The following DHRS9 variants were observed in gnomAD, a reference collection of about 807,000 sequenced individuals.
DHRS9 encodes the protein dehydrogenase/reductase SDR family member 9.
In DHRS9, 18 loss-of-function variants were observed where a neutral mutation model predicts 26.6. That is an observed-to-expected ratio of 0.68 (90% CI 0.47 to 1.00). DHRS9 has a LOEUF of 1.00. Among genes scored for constraint, DHRS9 ranks in the 50% least tolerant of loss-of-function variants. The pLI is 0.00. For missense variants in DHRS9, 425 were observed against 378.7 expected, an observed-to-expected ratio of 1.12 and a Z score of -1.01; for synonymous variants, 134 against 141.1, an observed-to-expected ratio of 0.95 and a Z score of 0.36.
In DHRS9 at chr2:169,091,812, G is replaced by A; in HGVS notation, c.595G>A (p.Val199Met). 3 of 1,613,322 alleles carry A rather than the reference G, an allele frequency of 1.9e-6. No homozygotes were observed. Among genetic ancestry groups the A allele is most frequent in the Non-Finnish European group, 2.5e-6 (3 of 1,179,476 alleles). Reference sequence around the variant, plus strand: ...CAGACGGGACATGAAAGCTTTTGGTGTGCACGTCTCATGCATTGAACCAGG... The same window carrying A: ...CAGACGGGACATGAAAGCTTTTGGTATGCACGTCTCATGCATTGAACCAGG... ...SLRRDMKAFG[V>M]HVSCIEPGLF... The change falls in exon 4 of 5, where the codon GTG becomes ATG. Residue 199 changes from valine (V) to methionine (M), a missense_variant. By Grantham distance (21) the Val-to-Met change is conservative. Transcript: ENST00000674881.
rs1366004893 is a variant in DHRS9, at chr2:169,081,603, C to T, written c.22C>T (p.Leu8Phe). 1.9e-6 allele frequency: 3 copies of T among 1,614,080 alleles called. No homozygotes were observed. The East Asian group carries it at 6.7e-5, about 36-fold the overall frequency. Residue 8 changes from leucine to phenylalanine, a missense_variant, in exon 2 of 5, where the codon CTC (leucine) becomes TTC (phenylalanine). Leu to Phe is a conservative substitution (Grantham distance 22). Coordinates refer to ENST00000674881, the MANE Select transcript of DHRS9 (RefSeq NM_001376924.1). MLFWVLG[L>F]LILCGFLWTR... Reference sequence around the variant, plus strand: ...AAAAATGCTCTTTTGGGTGCTAGGCCTCCTAATCCTCTGTGGTTTTCTGTG... The same window carrying T: ...AAAAATGCTCTTTTGGGTGCTAGGCTTCCTAATCCTCTGTGGTTTTCTGTG...
intron 3 of DHRS9, among the ~76,000 whole-genome samples, chr2:169,089,814 TG>T (rs1204419127): frequency 6.6e-6 from 1 of 152,174 alleles, no homozygotes; most frequent in Non-Finnish European, 1.5e-5. Context: ...TTTGATTAAG[TG>T]GATCTGGAGA....
chr2:169,073,813 C>G (rs1380797520), intron 1 of DHRS9, among the ~76,000 whole-genome samples: 1 of 152,098 alleles, frequency 6.6e-6, no homozygotes, highest in East Asian at 1.9e-4. Context: ...ACCAAGGAAC[C>G]AATGACTAAG....
In DHRS9 at chr2:169,095,617, C is replaced by T. The variant is rs535171120; in HGVS notation, c.810C>T (p.His270=). 50 of 1,613,912 alleles carry T rather than the reference C, an allele frequency of 3.1e-5. 2 individuals are homozygous for T. The highest frequency in any genetic ancestry group is 3.1e-4 in the South Asian group (28 of 91,080). The change falls in exon 5 of 5, where the codon CAC becomes CAT. Residue 270 remains histidine, a synonymous_variant. Transcript: ENST00000674881. ...CTCCGGTGGTAGAGTGCATGGACCA[C>T]GCTCTAACAAGTCTCTTCCCTAAGA... ...DLSPVVECMD[H]ALTSLFPKTH... is the part of the protein sequence containing the mutation.
intron 1 of DHRS9, among the ~76,000 whole-genome samples, chr2:169,079,563 T>C (rs1239675272): frequency 6.6e-6 from 1 of 151,852 alleles, no homozygotes; most frequent in East Asian, 1.9e-4. Flanking sequence ...TGTAAGAAAA[T>C]AAAGTCCAGG....
intron 2 of DHRS9, 107 bp downstream of exon 2, chr2:169,082,001 T>C: frequency 8.7e-7 from 1 of 1,144,730 alleles, no homozygotes; most frequent in Non-Finnish European, 1.2e-6. Flanking sequence ...GAGAAAATGT[T>C]TCCTAAATAC....
Position 169,091,115 on chromosome 2 carries a change from A to G in DHRS9, c.573-675A>G, listed in dbSNP as rs1684507782. 2.0e-5 allele frequency among the ~76,000 whole-genome samples: 3 copies of G among 152,086 alleles called. No individual in the cohort carries two copies. In the South Asian group the frequency reaches 6.2e-4, roughly 32 times the overall value. Reference sequence around the variant, plus strand: ...AATGAGTTTATCAGGATGTGACCCCACAGGAACATCTGTATATTGGTTTGC... The same window carrying G: ...AATGAGTTTATCAGGATGTGACCCCGCAGGAACATCTGTATATTGGTTTGC... On this transcript the variant is annotated intron_variant, in intron 3 of 4. Transcript: ENST00000674881.
intron 4 of DHRS9, among the ~76,000 whole-genome samples, chr2:169,095,334 C>T (rs1168022621): frequency 6.6e-6 from 1 of 152,098 alleles, no homozygotes; most frequent in African/African-American, 2.4e-5. Context: ...GAAGAATCTG[C>T]TGCCAACCCA....
chr2:169,070,056 G>A (rs56069956), intron 1 of DHRS9: 175,066 of 967,418 alleles, frequency 0.18, 16,158 homozygotes, highest in African/African-American at 0.27. Flanking sequence ...GAAACTGGAG[G>A]GGGAAGTCTC....
At chr2:169,085,186 T>C (rs1034314630) in intron 3 of DHRS9, among the ~76,000 whole-genome samples, 1 of 152,192 alleles carries the variant, frequency 6.6e-6, no homozygotes, top group African/African-American at 2.4e-5. Flanking sequence ...CCTGTTCCAT[T>C]GGTCTATGTG....
rs140016691 is a variant in DHRS9 at position 169,095,628 on chromosome 2, G to A, written c.821G>A (p.Ser274Asn). The A allele has an allele frequency of 1.8e-4, 285 of 1,613,740 alleles. No individual in the cohort carries two copies. Among genetic ancestry groups the A allele is most frequent in the Non-Finnish European group, 2.3e-4 (274 of 1,179,894 alleles). ...VVECMDHALT[S>N]LFPKTHYAAG... is the part of the protein sequence containing the mutation. ...GAGTGCATGGACCACGCTCTAACAAGTCTCTTCCCTAAGACTCATTATGCC... is the reference window on the plus strand; with the variant it reads ...GAGTGCATGGACCACGCTCTAACAAATCTCTTCCCTAAGACTCATTATGCC... Residue 274 changes from serine (S) to asparagine (N), a missense_variant, in exon 5 of 5, where the codon AGT (serine) becomes AAT (asparagine). Ser to Asn is a conservative substitution (Grantham distance 46). Coordinates refer to ENST00000674881, the MANE Select transcript of DHRS9 (RefSeq NM_001376924.1).
intron 1 of DHRS9, among the ~76,000 whole-genome samples, chr2:169,077,692 C>T (rs1379466369): frequency 6.6e-6 from 1 of 152,100 alleles, no homozygotes; most frequent in Non-Finnish European, 1.5e-5. Flanking sequence ...GTTCTAATGG[C>T]ACCCTTTTGT....
chr2:169,077,020 GT>G (rs545187311), intron 1 of DHRS9, among the ~76,000 whole-genome samples: 129 of 152,282 alleles, frequency 8.5e-4, no homozygotes, highest in African/African-American at 3.1e-3. Flanking sequence ...TGGTCTTATT[GT>G]TTCAGGGGTG....
chr2:169,074,643 C>G (rs1223733205), intron 1 of DHRS9, among the ~76,000 whole-genome samples: 1 of 152,104 alleles, frequency 6.6e-6, no homozygotes. Flanking sequence ...GTCATGTTCC[C>G]ATGGCTCTGA....
intron 2 of DHRS9, among the ~76,000 whole-genome samples, chr2:169,082,411 A>G (rs1684218937): frequency 6.6e-6 from 1 of 152,236 alleles, no homozygotes; most frequent in South Asian, 2.1e-4. Flanking sequence ...TCCATTCTGC[A>G]ATAGATTCTG....
chr2:169,083,183 T>G, intron 2 of DHRS9, 146 bp from the exon 3 acceptor site: 1 of 1,019,766 alleles, frequency 9.8e-7, no homozygotes. Context: ...CTGCTATCAC[T>G]TCCCAAAACT....
At chr2:169,082,025 C>T in intron 2 of DHRS9, 131 bp downstream of exon 2, 2 of 947,592 alleles carry the variant, frequency 2.1e-6, no homozygotes, top group Non-Finnish European at 3.1e-6. Context: ...CTGTGTACTT[C>T]TCTAATCTTA....
At chr2:169,087,342 T>C (rs1427716953) in intron 3 of DHRS9, among the ~76,000 whole-genome samples, 1 of 151,834 alleles carries the variant, frequency 6.6e-6, no homozygotes, top group Non-Finnish European at 1.5e-5. Flanking sequence ...CAGCTTGTGG[T>C]CAATGTTGTT....
upstream of DHRS9, chr2:169,067,185 C>T (rs1294132362): frequency 1.3e-6 from 2 of 1,535,624 alleles, no homozygotes; most frequent in East Asian, 4.9e-5. Flanking sequence ...GCTCTATCAC[C>T]AGCCTCACCC....
Sources: allele counts gnomAD v4.1 joint callset (sites outside exome capture counted in the v4.1 genomes callset), GRCh38; gene constraint gnomAD v4.1.1; transcripts MANE v1.5; gene names NCBI Gene and HGNC (gene_info 2026-07-23, HGNC 2026-07-21).